LYPD6B: variants seen among roughly 807,000 people sequenced by gnomAD.
LYPD6B encodes LY6/PLAUR domain containing 6B.
In LYPD6B, 17 loss-of-function variants were observed where a neutral mutation model predicts 22.8. The ratio of observed to expected loss-of-function variants is 0.75; its 90% CI spans 0.51 to 1.12. The LOEUF (loss-of-function observed/expected upper bound fraction) is 1.12. Among genes scored for constraint, LYPD6B ranks in the 50% most tolerant of loss-of-function variants. The probability of loss-of-function intolerance (pLI) is 0.00; values close to 1 mark genes in which losing one functional copy is unlikely to be tolerated. For missense variants in LYPD6B, 221 were observed against 258.3 expected, an observed-to-expected ratio of 0.86 and a Z score of 0.99; for synonymous variants, 106 against 91.6, an observed-to-expected ratio of 1.16 and a Z score of -0.90.
At chr2:149,200,143 G>A (rs1030843218) in intron 3 of LYPD6B, among the ~76,000 whole-genome samples, 3 of 152,220 alleles carry the variant, frequency 2.0e-5, no homozygotes, top group Admixed American at 1.3e-4. Context: ...CTTACTGTGA[G>A]ATAAGTGGTG....
chr2:149,096,072 C>T lies in LYPD6B; in HGVS notation c.-66-34811C>T, dbSNP rs147985791. ...AGACAGAGACACACACAGAGATACA[C>T]AGAAAGAGACAGTGATGAGAGAGAC... On this transcript the variant is annotated intron_variant, in intron 1 of 6. Transcript: ENST00000409642. Among the ~76,000 whole-genome samples the T allele has an allele frequency of 3.4e-3, 523 of 151,636 alleles. 1 individual carries two copies. The highest frequency in any genetic ancestry group is 9.5e-3 in the African/African-American group (394 of 41,304).
chr2:149,176,649 A>G (rs77691271), intron 3 of LYPD6B, among the ~76,000 whole-genome samples: 93 of 152,196 alleles, frequency 6.1e-4, no homozygotes, highest in African/African-American at 2.2e-3. Flanking sequence ...CCTTTCCTCA[A>G]CCATTTGATT....
intron 1 of LYPD6B, among the ~76,000 whole-genome samples, chr2:149,119,483 T>G (rs910486258): frequency 3.3e-5 from 5 of 152,258 alleles, no homozygotes; most frequent in African/African-American, 4.8e-5. Context: ...ACATTTCTCT[T>G]GGATTTTCCT....
intron 3 of LYPD6B, among the ~76,000 whole-genome samples, chr2:149,165,738 CA>C (rs1287135852): frequency 1.3e-5 from 2 of 152,182 alleles, no homozygotes; most frequent in African/African-American, 4.8e-5. Context: ...CCTGGGATTC[CA>C]CTCCAGGAGG....
chr2:149,040,816 A>G (rs1270413994), intron 1 of LYPD6B, among the ~76,000 whole-genome samples: 1 of 152,232 alleles, frequency 6.6e-6, no homozygotes, highest in African/African-American at 2.4e-5. Flanking sequence ...TCTTCATCTA[A>G]TGCATGGAGG....
intron 1 of LYPD6B, among the ~76,000 whole-genome samples, chr2:149,125,291 GCCTGCAAGTTA>G (rs1382559441): frequency 6.6e-6 from 1 of 152,090 alleles, no homozygotes; most frequent in Non-Finnish European, 1.5e-5. Context: ...GCCACACCTG[GCCTGCAAGTTA>G]GGATAAGTAG....
chr2:149,214,145 C>T (rs957087394), intron 6 of LYPD6B, among the ~76,000 whole-genome samples: 2 of 152,192 alleles, frequency 1.3e-5, no homozygotes, highest in East Asian at 3.8e-4. Flanking sequence ...ATTATTATCC[C>T]CTAACAAGTA....
chr2:149,094,597 A>C (rs1385991634), intron 1 of LYPD6B, among the ~76,000 whole-genome samples: 3 of 152,240 alleles, frequency 2.0e-5, no homozygotes, highest in Non-Finnish European at 2.9e-5. Flanking sequence ...GATTCTTGAG[A>C]GCATTCATTA....
chr2:149,047,564 AGT>A (rs60755138), intron 1 of LYPD6B, among the ~76,000 whole-genome samples: 28 of 148,586 alleles, frequency 1.9e-4, no homozygotes, highest in East Asian at 3.9e-4. Flanking sequence ...TATGCCTGGG[AGT>A]GTGTGTGTGT....
At chr2:149,206,872 A>G (rs1481197053) in intron 4 of LYPD6B, among the ~76,000 whole-genome samples, 1 of 152,118 alleles carries the variant, frequency 6.6e-6, no homozygotes. Flanking sequence ...TCTACATTTA[A>G]AAAAATCATA....
intron 1 of LYPD6B, among the ~76,000 whole-genome samples, chr2:149,069,123 G>A (rs1262214737): frequency 6.6e-6 from 1 of 151,074 alleles, no homozygotes; most frequent in Non-Finnish European, 1.5e-5. Context: ...TTGCAATCAA[G>A]GAGAGCCAGA....
At chr2:149,186,038 G>A (rs896034812) in intron 3 of LYPD6B, among the ~76,000 whole-genome samples, 5 of 152,148 alleles carry the variant, frequency 3.3e-5, no homozygotes, top group South Asian at 2.1e-4. Flanking sequence ...ATTGAAATTA[G>A]TTCAATTAAT....
chr2:149,106,891 C>T (rs1686500123), intron 1 of LYPD6B, among the ~76,000 whole-genome samples: 1 of 151,788 alleles, frequency 6.6e-6, no homozygotes. Flanking sequence ...GATTTGAGAA[C>T]TTTTTTTTCA....
chr2:149,060,258 T>G (rs1357150734), intron 1 of LYPD6B, among the ~76,000 whole-genome samples: 1 of 152,168 alleles, frequency 6.6e-6, no homozygotes, highest in Non-Finnish European at 1.5e-5. Context: ...GAATCCTGCC[T>G]TGACCACTTT....
rs144971709 is a variant in LYPD6B at position 149,080,889 on chromosome 2, A to G, written c.-67+42088A>G. Among the ~76,000 whole-genome samples the G allele has an allele frequency of 1.1e-3, 169 of 150,414 alleles. 2 individuals are homozygous for G. The highest frequency in any genetic ancestry group is 7.0e-3 in the Middle Eastern group (2 of 284). ...AAAACCACACAAAAAAATTCAGTAT[A>G]TTAGGCAATGCCAACCTAGGACACA... On this transcript the variant is annotated intron_variant, in intron 1 of 6. Transcript: ENST00000409642.
Position 149,097,191 on chromosome 2 carries a change from C to T in LYPD6B, c.-66-33692C>T, listed in dbSNP as rs372601495. On this transcript the variant is annotated intron_variant, in intron 1 of 6. Coordinates refer to ENST00000409642, the MANE Select transcript of LYPD6B (RefSeq NM_177964.5). ...TCTGCGCCTGCCCTGCACCGCCACCCCTGCGAAGAGAACCTCTCCTACTGG... is the reference window on the plus strand; with the variant it reads ...TCTGCGCCTGCCCTGCACCGCCACCTCTGCGAAGAGAACCTCTCCTACTGG... Among the ~76,000 whole-genome samples, 288 of 152,388 alleles carry T rather than the reference C, an allele frequency of 1.9e-3. 2 individuals are homozygous for T. The highest frequency in any genetic ancestry group is 6.6e-3 in the African/African-American group (274 of 41,596).
intron 1 of LYPD6B, among the ~76,000 whole-genome samples, chr2:149,077,804 A>C (rs1168787204): frequency 6.6e-6 from 1 of 152,216 alleles, no homozygotes; most frequent in Non-Finnish European, 1.5e-5. Context: ...CAAATTTACT[A>C]ATGTAAAAAC....
chr2:149,056,886 C>T (rs1427682013), intron 1 of LYPD6B, among the ~76,000 whole-genome samples: 1 of 152,202 alleles, frequency 6.6e-6, no homozygotes, highest in Non-Finnish European at 1.5e-5. Flanking sequence ...TCCGACTCCA[C>T]ATCTGAGTTA....
chr2:149,108,477 C>T (rs1012158572), intron 1 of LYPD6B, among the ~76,000 whole-genome samples: 1 of 152,154 alleles, frequency 6.6e-6, no homozygotes, highest in East Asian at 1.9e-4. Context: ...TCTTTGTTGC[C>T]CTCAAATATA....
Sources: allele counts gnomAD v4.1 joint callset (sites outside exome capture counted in the v4.1 genomes callset), GRCh38; gene constraint gnomAD v4.1.1; transcripts MANE v1.5; gene names NCBI Gene and HGNC (gene_info 2026-07-23, HGNC 2026-07-21).